Variants in NTN4 observed in about 807,000 individuals in gnomAD.
NTN4 encodes the protein netrin-4.
Under a neutral mutation model 73.6 loss-of-function variants are expected in NTN4, and 32 were observed. The observed-to-expected ratio is 0.44, with a 90% CI of 0.33 to 0.58. The LOEUF (loss-of-function observed/expected upper bound fraction) is 0.58, where lower values mean the gene tolerates loss of function less well. Ranked by LOEUF, NTN4 falls within the 20% of genes least tolerant of loss-of-function variation. The pLI, the probability that NTN4 is intolerant of heterozygous loss-of-function variation, is 0.04. For missense variants in NTN4, 654 were observed against 798.3 expected, an observed-to-expected ratio of 0.82 and a Z score of 2.18; for synonymous variants, 258 against 287.5, an observed-to-expected ratio of 0.90 and a Z score of 1.04.
chr12:95,787,891 T>A (rs1024972522), intron 1 of NTN4, among the ~76,000 whole-genome samples: 4 of 152,214 alleles, frequency 2.6e-5, no homozygotes, highest in African/African-American at 9.6e-5. Context: ...ACCATAATGT[T>A]TTTAAGACCA....
chr12:95,672,807 T>TAA lies in NTN4; in HGVS notation c.1511-2663_1511-2662dup. The TAA allele has an allele frequency of 3.7e-6, 5 of 1,337,146 alleles. No homozygotes were observed. The South Asian group carries it at 5.9e-5, about 16-fold the overall frequency. 82.8% of individuals were successfully genotyped at this position (1,337,146 alleles called of 1,614,324 possible). Reference sequence around the variant, plus strand: ...TTGCCAGCGCTCTGCCCTTTTGGAATAAAGAAATAGTTCCCCAGATCAAGG... The same window carrying TAA: ...TTGCCAGCGCTCTGCCCTTTTGGAATAAAAAGAAATAGTTCCCCAGATCAAGG... On this transcript the variant is annotated intron_variant, in intron 7 of 9. Coordinates refer to ENST00000343702, the MANE Select transcript of NTN4 (RefSeq NM_021229.4).
intron 2 of NTN4, among the ~76,000 whole-genome samples, chr12:95,783,308 C>A (rs2079145847): frequency 6.6e-6 from 1 of 152,192 alleles, no homozygotes; most frequent in Non-Finnish European, 1.5e-5. Context: ...TCCTAAATCT[C>A]CCATTTGGGG....
At chr12:95,686,513 C>T (rs576732210) in intron 5 of NTN4, among the ~76,000 whole-genome samples, 2 of 150,878 alleles carry the variant, frequency 1.3e-5, no homozygotes, top group Admixed American at 6.6e-5. Context: ...AATCCCTGCA[C>T]GTTGGGCGGC....
At position 95,786,911 on chromosome 12, in the gene NTN4, C is replaced by T. The variant is rs116256769; in HGVS notation, c.585+28G>A. The T allele has an allele frequency of 2.3e-3, 3,597 of 1,585,980 alleles. 82 individuals are homozygous for T. In the African/African-American group the frequency reaches 0.042, roughly 19 times the overall value. On this transcript the variant is annotated intron_variant, in intron 2 of 9. Transcript: ENST00000343702. ...TGGTAACATTTTTCTATCTTACTTA[C>T]AGTGTAGAGTTAAACAGGTGCCCTT...
At chr12:95,733,287 C>A (rs893483079) in intron 3 of NTN4, among the ~76,000 whole-genome samples, 14 of 152,242 alleles carry the variant, frequency 9.2e-5, no homozygotes, top group African/African-American at 3.4e-4. Flanking sequence ...TCTCTTCACA[C>A]AATTTCCGGG....
At chr12:95,662,617 CAG>C (rs1425415723) in intron 9 of NTN4, among the ~76,000 whole-genome samples, 4 of 152,008 alleles carry the variant, frequency 2.6e-5, no homozygotes, top group Admixed American at 6.6e-5. Context: ...AATAATGACA[CAG>C]AGAGGTTTCA....
chr12:95,673,465 T>C (rs1489853118), intron 7 of NTN4: 2 of 180,390 alleles, frequency 1.1e-5, no homozygotes, highest in African/African-American at 4.8e-5. Flanking sequence ...TCCTCTGCTC[T>C]TCTGTAGTCA....
Position 95,715,507 on chromosome 12 carries a change from G to T in NTN4, c.865-2169C>A, listed in dbSNP as rs2078598786. Among the ~76,000 whole-genome samples, 3 of 151,936 alleles carry T rather than the reference G, an allele frequency of 2.0e-5. No individual in the cohort carries two copies. In the South Asian group the frequency reaches 6.2e-4, roughly 32 times the overall value. ...TGAGTTATGATAATCTACCTTCTTG[G>T]CCTTCTCTTCATGGCTCTCTGATAT... is the stretch of plus-strand genomic sequence containing the variant. On this transcript the variant is annotated intron_variant, in intron 3 of 9. Coordinates refer to ENST00000343702, the MANE Select transcript of NTN4 (RefSeq NM_021229.4).
chr12:95,665,614 T>C, intron 9 of NTN4, 196 bp downstream of exon 9: 1 of 446,956 alleles, frequency 2.2e-6, no homozygotes, highest in East Asian at 3.4e-5. Flanking sequence ...ATTAAACTTT[T>C]ATAGAGCACA....
Position 95,789,995 on chromosome 12 carries a change from C to A in NTN4, c.55+260G>T. 2.5e-6 allele frequency: 1 copy of A among 403,632 alleles called. No homozygotes were observed. Among genetic ancestry groups the A allele is most frequent in the Non-Finnish European group, 4.4e-6 (1 of 227,408 alleles). The allele number at this position is 403,632 out of a possible 1,614,324, so 25.0% of individuals were successfully genotyped here. A position where few individuals can be genotyped will look rare whatever the true frequency, so the allele number is the denominator to read the frequency against. On this transcript the variant is annotated intron_variant, in intron 1 of 9. Coordinates refer to ENST00000343702, the MANE Select transcript of NTN4 (RefSeq NM_021229.4). The surrounding 1 kb of genome is among the most constrained non-coding windows in gnomAD (Gnocchi z 4.0). ...TTAACAAGCCAAACCAAGAAAGAAACCCCGGTCGCAGTATCCCCGGCAGGG... is the reference window on the plus strand; with the variant it reads ...TTAACAAGCCAAACCAAGAAAGAAAACCCGGTCGCAGTATCCCCGGCAGGG...
At chr12:95,664,513 G>T (rs146078248) in intron 9 of NTN4, among the ~76,000 whole-genome samples, 309 of 152,250 alleles carry the variant, frequency 2.0e-3, no homozygotes, top group African/African-American at 6.9e-3. Flanking sequence ...TGTTGAGTTT[G>T]TTTAGACTGA....
chr12:95,751,636 C>T (rs1392807250), intron 2 of NTN4, among the ~76,000 whole-genome samples: 1 of 152,254 alleles, frequency 6.6e-6, no homozygotes, highest in East Asian at 1.9e-4. Flanking sequence ...ATCTTCTCGG[C>T]TTAGCGGCTG....
intron 7 of NTN4, chr12:95,672,994 G>A: frequency 8.2e-7 from 1 of 1,216,866 alleles, no homozygotes; most frequent in Non-Finnish European, 1.2e-6. Flanking sequence ...CAGGTGCATG[G>A]AGTTCCTGGG....
chr12:95,681,188 CAAAAAAA>C (rs11366396), intron 7 of NTN4, among the ~76,000 whole-genome samples: 2 of 95,512 alleles, frequency 2.1e-5, no homozygotes, highest in African/African-American at 4.1e-5. Flanking sequence ...GACTTTGTCT[CAAAAAAA>C]AAAAAAAAAA....
chr12:95,665,748 A>C, intron 9 of NTN4, 62 bp downstream of exon 9: 1 of 1,356,330 alleles, frequency 7.4e-7, no homozygotes, highest in Non-Finnish European at 1.0e-6. Flanking sequence ...CAGAGGATGT[A>C]AGACAAGCAG....
At chr12:95,705,677 C>T (rs1051266826) in intron 5 of NTN4, among the ~76,000 whole-genome samples, 5 of 152,190 alleles carry the variant, frequency 3.3e-5, no homozygotes, top group Non-Finnish European at 5.9e-5. Flanking sequence ...GACTGCCCCT[C>T]TGATGTGCTC....
chr12:95,777,127 C>T (rs1592718051), intron 2 of NTN4, among the ~76,000 whole-genome samples: 1 of 152,064 alleles, frequency 6.6e-6, no homozygotes, highest in Non-Finnish European at 1.5e-5. Context: ...ATTTTGTCAC[C>T]ACCAGGCCTG....
At chr12:95,695,961 CTCTT>C (rs148145198) in intron 5 of NTN4, among the ~76,000 whole-genome samples, 11,396 of 142,542 alleles carry the variant, frequency 0.08, 1,055 homozygotes, top group East Asian at 0.52. Flanking sequence ...CCCTCCCTCC[CTCTT>C]TCTTTTTCTT....
intron 3 of NTN4, among the ~76,000 whole-genome samples, chr12:95,719,863 C>G (rs2078633721): frequency 6.6e-6 from 1 of 152,112 alleles, no homozygotes; most frequent in Non-Finnish European, 1.5e-5. Flanking sequence ...CTGAGTGTTT[C>G]AAACTCTTGC....
Sources: allele counts gnomAD v4.1 joint callset (sites outside exome capture counted in the v4.1 genomes callset), GRCh38; gene constraint gnomAD v4.1.1; non-coding constraint Gnocchi (gnomAD v3.1); transcripts MANE v1.5; gene names NCBI Gene and HGNC (gene_info 2026-07-23, HGNC 2026-07-21).